Variants in RPAP2 observed in about 807,000 individuals in gnomAD.
RPAP2 encodes the protein RNA polymerase II associated protein 2.
In RPAP2, 52 loss-of-function variants were observed where a neutral mutation model predicts 73.1. The observed-to-expected ratio is 0.71, with a 90% CI of 0.57 to 0.90. The LOEUF (loss-of-function observed/expected upper bound fraction) is 0.90. Among genes scored for constraint, RPAP2 ranks in the 40% least tolerant of loss-of-function variants. The probability of loss-of-function intolerance (pLI) is 0.00; values close to 1 mark genes in which losing one functional copy is unlikely to be tolerated. For synonymous variants in RPAP2, 225 were observed against 242.1 expected, an observed-to-expected ratio of 0.93 and a Z score of 0.65; for missense variants, 598 against 701.8, an observed-to-expected ratio of 0.85 and a Z score of 1.67.
At chr1:92,338,521 T>A (rs890514047) in intron 10 of RPAP2, among the ~76,000 whole-genome samples, 2 of 152,202 alleles carry the variant, frequency 1.3e-5, no homozygotes, top group African/African-American at 4.8e-5. Context: ...TTTAAATAGA[T>A]ATACATAGTA....
At chr1:92,316,681 A>G (rs1044121723) in intron 6 of RPAP2, among the ~76,000 whole-genome samples, 53 of 152,330 alleles carry the variant, frequency 3.5e-4, no homozygotes, top group African/African-American at 1.3e-3. Context: ...CAGGACAACA[A>G]AAATTGTGGG....
chr1:92,307,849 A>G (rs1201691275), intron 6 of RPAP2, among the ~76,000 whole-genome samples: 1 of 152,118 alleles, frequency 6.6e-6, no homozygotes, highest in African/African-American at 2.4e-5. Flanking sequence ...TTGAGGGTGA[A>G]ATGGCATGAT....
At chr1:92,366,425 A>G (rs916604263) in intron 11 of RPAP2, among the ~76,000 whole-genome samples, 5 of 152,224 alleles carry the variant, frequency 3.3e-5, no homozygotes, top group African/African-American at 9.6e-5. Flanking sequence ...AAGTACCACA[A>G]AGTAGTTACC....
chr1:92,332,973 A>G (rs963550150), intron 8 of RPAP2, among the ~76,000 whole-genome samples: 6 of 152,070 alleles, frequency 3.9e-5, no homozygotes, highest in African/African-American at 1.4e-4. Context: ...GTCGGTTTGA[A>G]TTATCTTGTC....
rs1650569216 is a variant in RPAP2, at chr1:92,299,101, G to C, written c.28G>C (p.Ala10Pro). 1 of 1,520,962 alleles carries C rather than the reference G, an allele frequency of 6.6e-7. No individual in the cohort carries two copies. The highest frequency in any genetic ancestry group is 8.8e-7 in the Non-Finnish European group (1 of 1,131,406). The allele number at this position is 1,520,962 out of a possible 1,614,324, so 94.2% of individuals were successfully genotyped here. MADFAGPSSAGRKAGAPRCS... is the reference protein window; with the variant it reads MADFAGPSSPGRKAGAPRCS... ...GGCGGACTTCGCTGGGCCGTCTTCTGCCGGCCGCAAGGCCGGGGCTCCCCG... is the reference window on the plus strand; with the variant it reads ...GGCGGACTTCGCTGGGCCGTCTTCTCCCGGCCGCAAGGCCGGGGCTCCCCG... Residue 10 changes from alanine to proline, a missense_variant, in exon 1 of 13, where the codon GCC becomes CCC. Around this residue, in one of 3 missense-constraint regions of RPAP2, gnomAD observed 77 missense variants for 55.7 expected, o/e 1.38. Transcript: ENST00000610020.
intron 6 of RPAP2, among the ~76,000 whole-genome samples, chr1:92,310,106 A>G (rs1651503752): frequency 6.6e-6 from 1 of 152,212 alleles, no homozygotes; most frequent in Admixed American, 6.5e-5. Context: ...GGAAACAGTG[A>G]ATAATCTATA....
chr1:92,333,288 C>G (rs1012865466), intron 8 of RPAP2, 103 bp from the exon 9 acceptor site: 1 of 851,772 alleles, frequency 1.2e-6, no homozygotes, highest in African/African-American at 1.7e-5. Context: ...TCCTACTGTG[C>G]CACAGATACA....
intron 3 of RPAP2, among the ~76,000 whole-genome samples, chr1:92,302,314 A>C (rs1650906411): frequency 1.3e-5 from 2 of 151,312 alleles, no homozygotes; most frequent in Admixed American, 6.6e-5. Flanking sequence ...GAAAAAAGAA[A>C]AATGAGGATG....
chr1:92,369,443 T>G (rs1344688310), intron 11 of RPAP2, among the ~76,000 whole-genome samples: 1 of 152,166 alleles, frequency 6.6e-6, no homozygotes, highest in Non-Finnish European at 1.5e-5. Context: ...TTGTTGGGAC[T>G]TCAGGCGTGC....
In RPAP2 at chr1:92,387,294, A is replaced by T. The variant is rs1014496709; in HGVS notation, c.*283A>T. On this transcript the variant is annotated 3_prime_UTR_variant, in exon 13 of 13. Transcript: ENST00000610020. ...TCGAAAATGAATGTTTAAGTATTAA[A>T]TTGAAACTTGAATGAATATTCAAGA... The T allele has an allele frequency of 8.0e-6, 2 of 250,706 alleles. No individual in the cohort carries two copies. The highest frequency in any genetic ancestry group is 1.5e-5 in the Non-Finnish European group (2 of 132,408). The allele number at this position is 250,706 out of a possible 1,614,324, so 15.5% of individuals were successfully genotyped here.
Position 92,299,095 on chromosome 1 carries a change from T to G in RPAP2, c.22T>G (p.Ser8Ala). 9 of 1,519,366 alleles carry G rather than the reference T, an allele frequency of 5.9e-6. No individual in the cohort carries two copies. The highest frequency in any genetic ancestry group is 8.0e-6 in the Non-Finnish European group (9 of 1,130,390). 94.1% of individuals were successfully genotyped at this position (1,519,366 alleles called of 1,614,324 possible). Residue 8 changes from serine (S) to alanine (A), a missense_variant, in exon 1 of 13, where the codon TCT becomes GCT. Around this residue, in one of 3 missense-constraint regions of RPAP2, gnomAD observed 77 missense variants for 55.7 expected, o/e 1.38. Coordinates refer to ENST00000610020, the MANE Select transcript of RPAP2 (RefSeq NM_024813.3). MADFAGP[S>A]SAGRKAGAPR... ...CCCCATGGCGGACTTCGCTGGGCCG[T>G]CTTCTGCCGGCCGCAAGGCCGGGGC... is the stretch of plus-strand genomic sequence containing the variant.
chr1:92,309,536 CACACAT>C (rs55988882), intron 6 of RPAP2, among the ~76,000 whole-genome samples: 116,682 of 150,778 alleles, frequency 0.77, 45,409 homozygotes, highest in East Asian at 0.94. Context: ...TGGCAGGCTA[CACACAT>C]ACACATACAC....
At chr1:92,366,894 G>A (rs1189358813) in intron 11 of RPAP2, among the ~76,000 whole-genome samples, 1 of 152,002 alleles carries the variant, frequency 6.6e-6, no homozygotes, top group Non-Finnish European at 1.5e-5. Context: ...TGATTGTATG[G>A]GTGTGCAAAC....
In RPAP2 at chr1:92,299,149, A is replaced by T; in HGVS notation, c.73+3A>T. On this transcript the variant is annotated splice_donor_region_variant and intron_variant, in intron 1 of 12. Transcript: ENST00000610020. ...CCGCTGCTCTCGAAAAGCCGCAGGT[A>T]GGAGCAAGGATCTCTTCCCACTTTT... is the stretch of plus-strand genomic sequence containing the variant. The T allele has an allele frequency of 6.7e-7, 1 of 1,503,328 alleles. No homozygotes were observed. The highest frequency in any genetic ancestry group is 8.9e-7 in the Non-Finnish European group (1 of 1,119,776). 93.1% of individuals were successfully genotyped at this position (1,503,328 alleles called of 1,614,324 possible).
chr1:92,382,320 A>T (rs928867123), intron 12 of RPAP2, among the ~76,000 whole-genome samples: 4 of 152,030 alleles, frequency 2.6e-5, no homozygotes, highest in East Asian at 3.9e-4. Context: ...GTATTTCTAG[A>T]TCTAGATCCC....
At chr1:92,303,465 C>A (rs920239303) in intron 3 of RPAP2, among the ~76,000 whole-genome samples, 1 of 152,146 alleles carries the variant, frequency 6.6e-6, no homozygotes, top group Non-Finnish European at 1.5e-5. Flanking sequence ...CATCACCTCA[C>A]CACTCTGTAC....
intron 11 of RPAP2, among the ~76,000 whole-genome samples, chr1:92,373,748 A>T (rs1012154871): frequency 0.026 from 3,547 of 138,800 alleles, 152 homozygotes; most frequent in African/African-American, 0.074. Flanking sequence ...ATAAAAAAAA[A>T]AAAAAAAAAA....
At chr1:92,325,923 A>G (rs1466662192) in intron 8 of RPAP2, among the ~76,000 whole-genome samples, 1 of 152,034 alleles carries the variant, frequency 6.6e-6, no homozygotes, top group Non-Finnish European at 1.5e-5. Flanking sequence ...TAAATATACC[A>G]TTTATTTATG....
chr1:92,302,694 C>T (rs1051892715), intron 3 of RPAP2, among the ~76,000 whole-genome samples: 3 of 149,102 alleles, frequency 2.0e-5, no homozygotes, highest in East Asian at 4.0e-4. Flanking sequence ...CTCCGCCTCC[C>T]GTGTTCACGC....
Sources: gnomAD v4.1 joint callset for allele counts (sites outside exome capture counted in the v4.1 genomes callset) on GRCh38, gnomAD v4.1.1 for gene constraint, gnomAD v4.1.1 regional missense constraint, MANE v1.5 for transcripts, NCBI Gene and HGNC (gene_info 2026-07-23, HGNC 2026-07-21) for gene names.